KIF5A: variants seen among roughly 807,000 people sequenced by gnomAD.
KIF5A encodes kinesin family member 5A.
A neutral mutation model predicts 141.3 loss-of-function variants in KIF5A; 35 were observed. The ratio of observed to expected loss-of-function variants is 0.25; its 90% CI spans 0.19 to 0.33. The LOEUF is 0.33. Ranked by LOEUF, KIF5A falls within the 10% of genes least tolerant of loss-of-function variation. KIF5A has a pLI of 1.00. For missense variants in KIF5A, 861 were observed against 1,314.3 expected, an observed-to-expected ratio of 0.66 and a Z score of 5.33; for synonymous variants, 448 against 500.2, an observed-to-expected ratio of 0.90 and a Z score of 1.39.
At position 57,581,442 on chromosome 12, in the gene KIF5A, C is replaced by A. The variant is rs752993142; in HGVS notation, c.2783C>A (p.Pro928Gln). The stretch of plus-strand genomic sequence containing the variant: ...AAACCCGTCCGGCCTGGCCACTACC[C>A]AGCATCCTCACCCACCAACCCCTAT... ...IAKPVRPGHY[P>Q]ASSPTNPYGT... Residue 928 changes from proline to glutamine, a missense_variant, in exon 25 of 29, where the codon CCA (proline) becomes CAA (glutamine). This residue lies in a region of KIF5A where 482 missense variants were observed against 661.3 expected (regional missense o/e 0.73). Coordinates refer to ENST00000455537, the MANE Select transcript of KIF5A (RefSeq NM_004984.4). 24 of 1,614,062 alleles carry A rather than the reference C, an allele frequency of 1.5e-5. No individual in the cohort carries two copies. Among genetic ancestry groups the A allele is most frequent in the South Asian group, 1.2e-4 (11 of 91,082 alleles).
intron 12 of KIF5A, among the ~76,000 whole-genome samples, chr12:57,570,709 T>A (rs1238402470): frequency 6.6e-6 from 1 of 152,212 alleles, no homozygotes; most frequent in Non-Finnish European, 1.5e-5. Flanking sequence ...TACATCTGAT[T>A]TTTTTCATTC....
rs756639633 is a variant in KIF5A, at chr12:57,563,503, C to T, written c.194C>T (p.Ala65Val). Residue 65 changes from alanine to valine, a missense_variant, in exon 2 of 29, where the codon GCA (alanine) becomes GTA (valine). By Grantham distance (64) the Ala-to-Val change is moderately conservative. Transcript: ENST00000455537. ...PNTTQEQVYH[A>V]CAMQIVKDVL... is the part of the protein sequence containing the mutation. ...ACGACTCAAGAGCAAGTTTATCATG[C>T]ATGTGCCATGCAGATTGTCAAAGGT... 1.2e-6 allele frequency: 2 copies of T among 1,613,592 alleles called. No homozygotes were observed. The highest frequency in any genetic ancestry group is 1.7e-5 in the Admixed American group (1 of 60,018).
chr12:57,569,503 C>T (rs547850989), intron 10 of KIF5A, 32 bp from the exon 11 acceptor site: 1 of 1,614,032 alleles, frequency 6.2e-7, no homozygotes, highest in South Asian at 1.1e-5. Flanking sequence ...TCATGTTGCT[C>T]TCATTTCTTT....
At chr12:57,580,614 A>G (rs1041585353) in intron 23 of KIF5A, among the ~76,000 whole-genome samples, 8 of 152,178 alleles carry the variant, frequency 5.3e-5, no homozygotes, top group Admixed American at 2.0e-4. Flanking sequence ...GATCTGGCAC[A>G]TGCTGGGAGA....
chr12:57,570,462 G>A (rs1882216460), intron 12 of KIF5A, among the ~76,000 whole-genome samples: 1 of 152,066 alleles, frequency 6.6e-6, no homozygotes, highest in Admixed American at 6.5e-5. Flanking sequence ...GCAGAGGCAC[G>A]ATTGTGGTTC....
chr12:57,564,402 T>C, intron 4 of KIF5A, 58 bp from the exon 5 acceptor site: 2 of 1,327,450 alleles, frequency 1.5e-6, no homozygotes, highest in East Asian at 2.3e-5. Flanking sequence ...ATGGGATTCC[T>C]GAACTAGATT....
intron 1 of KIF5A, among the ~76,000 whole-genome samples, chr12:57,553,742 C>T (rs1402863087): frequency 2.0e-5 from 3 of 152,038 alleles, no homozygotes; most frequent in Non-Finnish European, 2.9e-5. Flanking sequence ...CTGGGATACA[C>T]AAATGGAAGA....
At position 57,550,206 on chromosome 12, in the gene KIF5A, T is replaced by G. The variant is rs1164804652; in HGVS notation, c.-66T>G. On this transcript the variant is annotated 5_prime_UTR_variant, in exon 1 of 29. Transcript: ENST00000455537. The surrounding 1 kb of genome is among the most constrained non-coding windows in gnomAD (Gnocchi z 4.6). ...CCGCCTCGGCCTCTGCTGAGAGCCC[T>G]CTCCTCTGGAGCACACACCACCCCT... 4 of 1,609,068 alleles carry G rather than the reference T, an allele frequency of 2.5e-6. No homozygotes were observed. Among genetic ancestry groups the G allele is most frequent in the Non-Finnish European group, 3.4e-6 (4 of 1,177,954 alleles).
intron 1 of KIF5A, among the ~76,000 whole-genome samples, chr12:57,559,343 C>G (rs1007770988): frequency 1.3e-5 from 2 of 152,164 alleles, no homozygotes; most frequent in East Asian, 3.8e-4. Context: ...GTGTGAATAT[C>G]TATTTACTCA....
intron 16 of KIF5A, 140 bp from the exon 17 acceptor site, chr12:57,575,500 G>A: frequency 2.2e-6 from 2 of 895,362 alleles, no homozygotes; most frequent in South Asian, 1.3e-5. Flanking sequence ...AGCCCCATAG[G>A]AATGGCCCCC....
rs1292632852 is a variant in KIF5A, at chr12:57,584,396, G to C, written c.*215G>C. 1 of 152,604 alleles carries C rather than the reference G, an allele frequency of 6.6e-6. No individual in the cohort carries two copies. The highest frequency in any genetic ancestry group is 2.4e-5 in the African/African-American group (1 of 41,410). The allele number at this position is 152,604 out of a possible 1,614,324, so 9.5% of individuals were successfully genotyped here. ...AAAGCTGCTGCTATGTCTCTCTTCT[G>C]TCTTATTCTCAAGTATCTACTGATG... On this transcript the variant is annotated 3_prime_UTR_variant, in exon 29 of 29. Coordinates refer to ENST00000455537, the MANE Select transcript of KIF5A (RefSeq NM_004984.4).
At chr12:57,579,152 C>G (rs1350901789) in intron 23 of KIF5A, among the ~76,000 whole-genome samples, 1 of 152,126 alleles carries the variant, frequency 6.6e-6, no homozygotes, top group Non-Finnish European at 1.5e-5. Flanking sequence ...GTTGCTGCCT[C>G]TCTGTCCCCC....
At chr12:57,579,769 T>C (rs1173021509) in intron 23 of KIF5A, among the ~76,000 whole-genome samples, 1 of 152,224 alleles carries the variant, frequency 6.6e-6, no homozygotes, top group East Asian at 1.9e-4. Flanking sequence ...TGTGTGCTAC[T>C]CTGGGCCTCT....
chr12:57,574,398 G>A (rs553587215), intron 15 of KIF5A, among the ~76,000 whole-genome samples: 8 of 146,968 alleles, frequency 5.4e-5, no homozygotes, highest in African/African-American at 1.0e-4. Context: ...TCAGCCTCCC[G>A]AGTAGCTGGG....
rs777398624 is a variant in KIF5A at position 57,572,614 on chromosome 12, G to A, written c.1604G>A (p.Arg535Gln). ...CTGTCCCTGGAGTCTGAGTTGCAGC[G>A]GCTACAGGAGGTCAGTGGACACCAG... is the stretch of plus-strand genomic sequence containing the variant. ...TMLSLESELQ[R>Q]LQEVSGHQRK... The change falls in exon 15 of 29, where the codon CGG becomes CAG. Residue 535 changes from arginine to glutamine, a missense_variant. Arg to Gln is a conservative substitution (Grantham distance 43). Transcript: ENST00000455537. This position sits in a 1 kb window ranked among gnomAD's most constrained non-coding sequence, Gnocchi z 4.2. 8 of 1,614,120 alleles carry A rather than the reference G, an allele frequency of 5.0e-6. No individual in the cohort carries two copies. Among genetic ancestry groups the A allele is most frequent in the African/African-American group, 2.7e-5 (2 of 74,944 alleles).
At chr12:57,573,357 C>G (rs957576362) in intron 15 of KIF5A, among the ~76,000 whole-genome samples, 4 of 151,938 alleles carry the variant, frequency 2.6e-5, no homozygotes, top group African/African-American at 9.7e-5. Flanking sequence ...TAGTGAAACC[C>G]TATCTCTACA....
At chr12:57,556,492 C>T (rs1263525901) in intron 1 of KIF5A, among the ~76,000 whole-genome samples, 3 of 152,110 alleles carry the variant, frequency 2.0e-5, no homozygotes, top group African/African-American at 7.2e-5. Context: ...TCTTCCCTCT[C>T]TGCTCTTTTC....
intron 25 of KIF5A, 38 bp from the exon 26 acceptor site, chr12:57,581,832 G>A (rs1565705227): frequency 1.9e-6 from 3 of 1,552,994 alleles, no homozygotes; most frequent in Non-Finnish European, 1.8e-6. Context: ...AGTGGAGGGT[G>A]GGTGTCAGAG....
chr12:57,575,771 A>G lies in KIF5A; in HGVS notation c.2023+14A>G, dbSNP rs750746685. On this transcript the variant is annotated intron_variant, in intron 17 of 28. Transcript: ENST00000455537. ...TCCAGGCCCAGGGTGAGGCCTTCTT[A>G]TACCTCCATCCCACTGTCCAGGGCA... 4.1e-5 allele frequency: 63 copies of G among 1,545,124 alleles called. 2 individuals carry two copies. The South Asian group carries it at 5.9e-4, about 15-fold the overall frequency.
Sources: allele counts gnomAD v4.1 joint callset (sites outside exome capture counted in the v4.1 genomes callset), GRCh38; gene constraint gnomAD v4.1.1; regional missense constraint gnomAD v4.1.1; non-coding constraint Gnocchi (gnomAD v3.1); transcripts MANE v1.5; gene names NCBI Gene and HGNC (gene_info 2026-07-23, HGNC 2026-07-21).